Variants in TAFA5 observed in about 807,000 individuals in gnomAD.
The protein encoded by TAFA5 is TAFA chemokine like family member 5, also known as chemokine-like protein TAFA-5.
In TAFA5, 6 loss-of-function variants were observed where a neutral mutation model predicts 15.3. The ratio of observed to expected loss-of-function variants is 0.39; its 90% CI spans 0.21 to 0.77. The LOEUF (loss-of-function observed/expected upper bound fraction) is 0.77, where lower values mean the gene tolerates loss of function less well. Among genes scored for constraint, TAFA5 ranks in the 30% least tolerant of loss-of-function variants. The pLI is 0.41. For missense variants in TAFA5, 161 were observed against 193.1 expected (o/e 0.83, Z 0.98); for synonymous variants, 103 against 80.7 (o/e 1.28, Z -1.48).
At chr22:48,556,769 T>C (rs1013257866) in intron 1 of TAFA5, among the ~76,000 whole-genome samples, 3 of 152,120 alleles carry the variant, frequency 2.0e-5, no homozygotes, top group Non-Finnish European at 4.4e-5. Flanking sequence ...GACACCCCCC[T>C]AGGCAGGGTC....
At chr22:48,665,566 A>G (rs1293277260) in intron 2 of TAFA5, among the ~76,000 whole-genome samples, 2 of 152,032 alleles carry the variant, frequency 1.3e-5, no homozygotes, top group African/African-American at 4.8e-5. Flanking sequence ...ATGTGGTATG[A>G]GATGGATCTC....
chr22:48,546,445 C>T (rs1012034503), intron 1 of TAFA5: 6 of 470,004 alleles, frequency 1.3e-5, no homozygotes, highest in Non-Finnish European at 2.2e-5. Context: ...GCCCTATCCT[C>T]TTGGAGCTTG....
chr22:48,611,236 A>G (rs1925398092), intron 1 of TAFA5, among the ~76,000 whole-genome samples: 2 of 152,184 alleles, frequency 1.3e-5, no homozygotes, highest in South Asian at 4.1e-4. Flanking sequence ...CACTCAGCCT[A>G]TTTTTGATAG....
intron 1 of TAFA5, among the ~76,000 whole-genome samples, chr22:48,564,649 G>A (rs1465134674): frequency 2.0e-5 from 3 of 152,218 alleles, no homozygotes. Context: ...CCTTAGTTGA[G>A]GGCCACTCCT....
At chr22:48,535,236 C>G (rs1922114566) in intron 1 of TAFA5, among the ~76,000 whole-genome samples, 1 of 152,116 alleles carries the variant, frequency 6.6e-6, no homozygotes, top group Admixed American at 6.5e-5. Context: ...GTGTGTGTGA[C>G]TCTTAAAAGT....
At chr22:48,613,666 C>T (rs889287497) in intron 1 of TAFA5, among the ~76,000 whole-genome samples, 16 of 152,226 alleles carry the variant, frequency 1.1e-4, no homozygotes, top group East Asian at 3.9e-4. Context: ...GGCTCCAGTC[C>T]GCAGTGTGAT....
intron 1 of TAFA5, chr22:48,544,569 C>T (rs1922588453): frequency 2.4e-6 from 1 of 409,244 alleles, no homozygotes. Context: ...ACTGCATCAG[C>T]ACATGCCAGC....
rs145959190 is a variant in TAFA5, at chr22:48,715,026, G to T, written c.390+7182G>T. Among the ~76,000 whole-genome samples, 200 of 152,304 alleles carry T rather than the reference G, an allele frequency of 1.3e-3. No individual in the cohort carries two copies. In the East Asian group the frequency reaches 0.016, roughly 12 times the overall value. ...CCAGCTATTGGCTTTAGAGTCCATT[G>T]TAAATCTAGGATGATTTCATCTGAA... On this transcript the variant is annotated intron_variant, in intron 3 of 3. Transcript: ENST00000402357.
chr22:48,549,026 T>C (rs1223179364), intron 1 of TAFA5, among the ~76,000 whole-genome samples: 2 of 152,220 alleles, frequency 1.3e-5, no homozygotes, highest in Non-Finnish European at 2.9e-5. Flanking sequence ...AGAAGAGTTT[T>C]CCCACATAAA....
chr22:48,642,839 C>T (rs529580136), intron 1 of TAFA5, among the ~76,000 whole-genome samples: 3 of 152,158 alleles, frequency 2.0e-5, no homozygotes, highest in South Asian at 2.1e-4. Flanking sequence ...TGCATGCACA[C>T]GTGTGTGTGA....
chr22:48,601,451 A>G (rs374026281), intron 1 of TAFA5, among the ~76,000 whole-genome samples: 2 of 152,024 alleles, frequency 1.3e-5, no homozygotes, highest in East Asian at 3.9e-4. Context: ...TTCAGCCTCC[A>G]GAGTAGCTGG....
intron 1 of TAFA5, among the ~76,000 whole-genome samples, chr22:48,491,167 GGGAGCAGGGTC>G (rs1213451005): frequency 8.5e-5 from 13 of 152,314 alleles, no homozygotes; most frequent in African/African-American, 2.9e-4. Flanking sequence ...GCCGCCTGCA[GGGAGCAGGGTC>G]TGGGGGTTTG....
At chr22:48,662,642 T>A (rs1287749660) in intron 2 of TAFA5, among the ~76,000 whole-genome samples, 1 of 152,200 alleles carries the variant, frequency 6.6e-6, no homozygotes, top group African/African-American at 2.4e-5. Flanking sequence ...GCCCCCCGGC[T>A]GGTGCGAGCT....
intron 1 of TAFA5, among the ~76,000 whole-genome samples, chr22:48,633,076 T>TTCCCAGGGGC (rs548087026): frequency 6.6e-6 from 1 of 152,064 alleles, no homozygotes; most frequent in African/African-American, 2.4e-5. Flanking sequence ...ATGGAGGCAA[T>TTCCCAGGGGC]TCCCAGGGGC....
intron 1 of TAFA5, among the ~76,000 whole-genome samples, chr22:48,634,475 A>T (rs1451654612): frequency 7.1e-6 from 1 of 140,518 alleles, no homozygotes; most frequent in Non-Finnish European, 1.5e-5. Context: ...TCACTCAATC[A>T]CTCAATCACT....
intron 1 of TAFA5, among the ~76,000 whole-genome samples, chr22:48,585,591 A>G (rs1924320791): frequency 6.6e-6 from 1 of 151,482 alleles, no homozygotes; most frequent in African/African-American, 2.4e-5. Flanking sequence ...ACAATACACC[A>G]CACAGATACC....
At position 48,745,594 on chromosome 22, in the gene TAFA5, G is replaced by A. The variant is rs147207174; in HGVS notation, c.391-4245G>A. On this transcript the variant is annotated intron_variant, in intron 3 of 3. Coordinates refer to ENST00000402357, the MANE Select transcript of TAFA5 (RefSeq NM_001082967.3). The stretch of plus-strand genomic sequence containing the variant: ...ACATGACATAGTGTTCAATGGCTCA[G>A]CCCTGTATTTTGGCGTTACAGGAGT... 3.2e-3 allele frequency among the ~76,000 whole-genome samples: 494 copies of A among 152,356 alleles called. 5 individuals carry two copies. The highest frequency in any genetic ancestry group is 0.011 in the African/African-American group (465 of 41,576).
intron 1 of TAFA5, among the ~76,000 whole-genome samples, chr22:48,601,284 C>G (rs1352807599): frequency 6.6e-6 from 1 of 152,020 alleles, no homozygotes. Context: ...CTCCACATAC[C>G]CTTGTATATG....
chr22:48,639,817 A>G (rs1476631592), intron 1 of TAFA5, among the ~76,000 whole-genome samples: 1 of 152,192 alleles, frequency 6.6e-6, no homozygotes, highest in Non-Finnish European at 1.5e-5. Context: ...CCTTCCTGCC[A>G]TCACCTGCCG....
Sources: gnomAD v4.1 joint callset for allele counts (sites outside exome capture counted in the v4.1 genomes callset) on GRCh38, gnomAD v4.1.1 for gene constraint, MANE v1.5 for transcripts, NCBI Gene and HGNC (gene_info 2026-07-23, HGNC 2026-07-21) for gene names.